Variants in LNPK observed in about 807,000 individuals in gnomAD.
LNPK encodes the protein endoplasmic reticulum junction formation protein lunapark.
A neutral mutation model predicts 55.2 loss-of-function variants in LNPK; 29 were observed. The observed-to-expected ratio is 0.53, with a 90% CI of 0.39 to 0.72. The LOEUF (loss-of-function observed/expected upper bound fraction) is 0.72, where lower values mean the gene tolerates loss of function less well. LNPK is among the 30% of genes least tolerant of loss of function. The pLI, the probability that LNPK is intolerant of heterozygous loss-of-function variation, is 0.00. For synonymous variants in LNPK, 162 were observed against 168.2 expected (o/e 0.96, Z 0.29); for missense variants, 467 against 494.8 (o/e 0.94, Z 0.53).
intron 4 of LNPK, among the ~76,000 whole-genome samples, chr2:175,991,325 G>A (rs1052913416): frequency 1.3e-5 from 2 of 152,038 alleles, no homozygotes; most frequent in Non-Finnish European, 2.9e-5. Context: ...TGGGATAAAA[G>A]CATTCCAAAA....
At chr2:175,985,591 G>A (rs12464144) in intron 4 of LNPK, among the ~76,000 whole-genome samples, 10,986 of 152,148 alleles carry the variant, frequency 0.072, 427 homozygotes, top group South Asian at 0.098. Flanking sequence ...ATTTACTACA[G>A]TAGTTCTCCC....
At position 175,951,373 on chromosome 2, in the gene LNPK, C is replaced by G. The variant is rs1054297228; in HGVS notation, c.494-3681G>C. ...TAGTCTTTTATTCCCATCCCCTTCC[C>G]GCCCTTTCCCCTGAGTCCCCAAAGT... On this transcript the variant is annotated intron_variant, in intron 8 of 12. Transcript: ENST00000272748. Among the ~76,000 whole-genome samples, 3 of 151,778 alleles carry G rather than the reference C, an allele frequency of 2.0e-5. No individual in the cohort carries two copies. In the South Asian group the frequency reaches 6.3e-4, roughly 32 times the overall value.
intron 4 of LNPK, among the ~76,000 whole-genome samples, chr2:175,986,595 T>C (rs1021420906): frequency 2.6e-5 from 4 of 151,984 alleles, no homozygotes; most frequent in Non-Finnish European, 5.9e-5. Context: ...TATAAAATGA[T>C]CACAAAACTG....
chr2:175,967,815 T>G (rs1257061760), intron 6 of LNPK: 1 of 919,722 alleles, frequency 1.1e-6, no homozygotes, highest in Non-Finnish European at 1.3e-6. Context: ...AAGGTGAATA[T>G]TCAAACACTG....
intron 4 of LNPK, among the ~76,000 whole-genome samples, chr2:175,982,001 A>G (rs1272012453): frequency 1.3e-5 from 2 of 152,166 alleles, no homozygotes; most frequent in Non-Finnish European, 2.9e-5. Context: ...AACACCAAAT[A>G]ACTAGCACCA....
At chr2:175,985,875 G>T (rs527328222) in intron 4 of LNPK, among the ~76,000 whole-genome samples, 27 of 152,326 alleles carry the variant, frequency 1.8e-4, no homozygotes, top group African/African-American at 6.3e-4. Flanking sequence ...AACTGAAACT[G>T]CAGAGGGCAA....
At chr2:176,002,539 G>T, upstream of LNPK, 1 of 200,404 alleles carries the variant, frequency 5.0e-6, no homozygotes, top group South Asian at 6.1e-5. Flanking sequence ...TGCTTTTAAA[G>T]CCTGTTCTGC....
chr2:175,942,169 G>A (rs562780761), intron 9 of LNPK, among the ~76,000 whole-genome samples: 1 of 152,200 alleles, frequency 6.6e-6, no homozygotes, highest in African/African-American at 2.4e-5. Context: ...TATCATGTGG[G>A]TAAATATATA....
chr2:175,958,993 G>C (rs1198742417), intron 8 of LNPK, among the ~76,000 whole-genome samples: 1 of 152,138 alleles, frequency 6.6e-6, no homozygotes, highest in Non-Finnish European at 1.5e-5. Flanking sequence ...TCAAATGAAT[G>C]AAATGAAGCA....
chr2:175,929,244 T>G lies in LNPK; in HGVS notation c.*723A>C, dbSNP rs760033833. On this transcript the variant is annotated 3_prime_UTR_variant, in exon 13 of 13. Transcript: ENST00000272748. ...TCAAATAGGGTCAAGTGCAGAAATA[T>G]TTCCTATATGCTAGTGTGTAAATAT... 1.1e-5 allele frequency: 11 copies of G among 961,006 alleles called. No homozygotes were observed. Among genetic ancestry groups the G allele is most frequent in the Non-Finnish European group, 1.4e-5 (11 of 807,452 alleles). The allele number at this position is 961,006 out of a possible 1,614,324, so 59.5% of individuals were successfully genotyped here.
intron 4 of LNPK, among the ~76,000 whole-genome samples, chr2:175,980,513 G>A (rs940096975): frequency 7.2e-5 from 11 of 152,184 alleles, no homozygotes; most frequent in African/African-American, 2.4e-4. Flanking sequence ...AGAATTAAAA[G>A]AAACTAAATG....
At chr2:175,961,826 C>G (rs1410969538) in intron 8 of LNPK, among the ~76,000 whole-genome samples, 1 of 152,188 alleles carries the variant, frequency 6.6e-6, no homozygotes, top group Non-Finnish European at 1.5e-5. Flanking sequence ...CCCAAAATCT[C>G]CCTAAGCTGA....
At chr2:175,952,938 A>G (rs1331594834) in intron 8 of LNPK, among the ~76,000 whole-genome samples, 1 of 152,134 alleles carries the variant, frequency 6.6e-6, no homozygotes, top group Non-Finnish European at 1.5e-5. Context: ...TCTACTATTT[A>G]TATCAATCCT....
intron 12 of LNPK, among the ~76,000 whole-genome samples, chr2:175,936,332 C>T (rs1258086939): frequency 6.6e-6 from 1 of 152,192 alleles, no homozygotes; most frequent in African/African-American, 2.4e-5. Flanking sequence ...ATACTCAAAT[C>T]CCATACTAAA....
chr2:176,001,278 C>A (rs1437382787), intron 1 of LNPK, among the ~76,000 whole-genome samples: 1 of 152,182 alleles, frequency 6.6e-6, no homozygotes, highest in African/African-American at 2.4e-5. Context: ...TGAATAGAGT[C>A]AATTTTGTCA....
intron 6 of LNPK, among the ~76,000 whole-genome samples, chr2:175,967,291 C>A (rs545282726): frequency 6.6e-6 from 1 of 151,940 alleles, no homozygotes; most frequent in East Asian, 1.9e-4. Flanking sequence ...ATACATGATT[C>A]TATTAAGAGT....
In LNPK at chr2:175,930,067, T is replaced by A; in HGVS notation, c.1187A>T (p.Glu396Val). The A allele has an allele frequency of 6.2e-7, 1 of 1,614,140 alleles. No individual in the cohort carries two copies. The highest frequency in any genetic ancestry group is 8.5e-7 in the Non-Finnish European group (1 of 1,179,986). Residue 396 changes from glutamate (E) to valine (V), a missense_variant, in exon 13 of 13, where the codon GAG becomes GTG. Physicochemically the swap from Glu to Val is moderately radical, Grantham distance 121. Transcript: ENST00000272748. Reference sequence around the variant, plus strand: ...TTCAATCACTGAGGCTTCCTCATTCTCAGTCTCTTGTTTCTCCTCTGGTTC... The same window carrying A: ...TTCAATCACTGAGGCTTCCTCATTCACAGTCTCTTGTTTCTCCTCTGGTTC... ...SEEPEEKQETENEEASVIETN... is the reference protein window; with the variant it reads ...SEEPEEKQETVNEEASVIETN...
In LNPK at chr2:175,929,086, T is replaced by G. The variant is rs1398695136; in HGVS notation, c.*881A>C. 1 of 984,408 alleles carries G rather than the reference T, an allele frequency of 1.0e-6. No individual in the cohort carries two copies. The highest frequency in any genetic ancestry group is 1.7e-5 in the African/African-American group (1 of 57,182). The allele number at this position is 984,408 out of a possible 1,614,324, so 61.0% of individuals were successfully genotyped here. A position where few individuals can be genotyped will look rare whatever the true frequency, so the allele number is the denominator to read the frequency against. Reference sequence around the variant, plus strand: ...AGCCAAGTCACCCACCAAGATACTGTTTGAAGAAGACTAGATATTTAGCAA... The same window carrying G: ...AGCCAAGTCACCCACCAAGATACTGGTTGAAGAAGACTAGATATTTAGCAA... On this transcript the variant is annotated 3_prime_UTR_variant, in exon 13 of 13. Coordinates refer to ENST00000272748, the MANE Select transcript of LNPK (RefSeq NM_030650.3).
intron 8 of LNPK, among the ~76,000 whole-genome samples, chr2:175,953,220 G>C (rs1023485221): frequency 4.0e-5 from 6 of 151,858 alleles, no homozygotes; most frequent in Non-Finnish European, 5.9e-5. Flanking sequence ...ACTCTTAAAT[G>C]TCAATGTTCC....
Sources: gnomAD v4.1 joint callset for allele counts (sites outside exome capture counted in the v4.1 genomes callset) on GRCh38, gnomAD v4.1.1 for gene constraint, MANE v1.5 for transcripts, NCBI Gene and HGNC (gene_info 2026-07-23, HGNC 2026-07-21) for gene names.